Variants in DCHS2 observed in about 807,000 individuals in gnomAD.
DCHS2 encodes the protein protocadherin-23.
Under a neutral mutation model 182.4 loss-of-function variants are expected in DCHS2, and 142 were observed. The ratio of observed to expected loss-of-function variants is 0.78; its 90% CI spans 0.68 to 0.89. The LOEUF (loss-of-function observed/expected upper bound fraction) is 0.89. Among genes scored for constraint, DCHS2 ranks in the 40% least tolerant of loss-of-function variants. The pLI is 0.00. For synonymous variants in DCHS2, 1,740 were observed against 1,663.3 expected (o/e 1.05, Z -1.12); for missense variants, 4,319 against 4,198.6 (o/e 1.03, Z -0.79).
chr4:154,247,481 A>C (rs894904242), intron 16 of DCHS2, among the ~76,000 whole-genome samples: 1 of 151,832 alleles, frequency 6.6e-6, no homozygotes, highest in East Asian at 1.9e-4. Context: ...ATCTCTACTA[A>C]AAATATAAAA....
rs375665662 is a variant in DCHS2 at position 154,315,732 on chromosome 4, T to C, written c.5260+16A>G. Reference sequence around the variant, plus strand: ...TTTTAAGCATTAAATACCCAGTTTCTGTATTTCTAAATTACCTGAATCTCT... The same window carrying C: ...TTTTAAGCATTAAATACCCAGTTTCCGTATTTCTAAATTACCTGAATCTCT... On this transcript the variant is annotated intron_variant, in intron 10 of 19. Transcript: ENST00000357232. 54 of 1,609,372 alleles carry C rather than the reference T, an allele frequency of 3.4e-5. No homozygotes were observed. The Admixed American group carries it at 3.4e-4, about 10-fold the overall frequency.
At chr4:154,420,265 A>C (rs1341289250) in intron 1 of DCHS2, among the ~76,000 whole-genome samples, 1 of 151,658 alleles carries the variant, frequency 6.6e-6, no homozygotes, top group Non-Finnish European at 1.5e-5. Context: ...AGATAGATAG[A>C]TAGATAGATA....
intron 13 of DCHS2, among the ~76,000 whole-genome samples, chr4:154,274,010 TCAGAGATGAGTA>T (rs1733716619): frequency 6.6e-6 from 1 of 152,124 alleles, no homozygotes; most frequent in African/African-American, 2.4e-5. Context: ...TGACATGGTG[TCAGAGATGAGTA>T]CAGAGCAGGG....
chr4:154,344,985 G>A (rs1269378302), intron 3 of DCHS2, among the ~76,000 whole-genome samples: 1 of 152,194 alleles, frequency 6.6e-6, no homozygotes, highest in Non-Finnish European at 1.5e-5. Context: ...TGGTGCCAAA[G>A]GACTTGGGAG....
At chr4:154,488,932 G>A (rs1014680954) in intron 1 of DCHS2, among the ~76,000 whole-genome samples, 148 of 145,162 alleles carry the variant, frequency 1.0e-3, no homozygotes, top group African/African-American at 3.7e-3. Flanking sequence ...GTGTGTGTGT[G>A]TATACATGTA....
At chr4:154,383,191 A>G (rs1461660383) in intron 1 of DCHS2, among the ~76,000 whole-genome samples, 1 of 152,242 alleles carries the variant, frequency 6.6e-6, no homozygotes, top group East Asian at 1.9e-4. Context: ...TTGCAGAAAC[A>G]TGAATGCAGC....
chr4:154,430,666 C>T (rs1733523435), intron 1 of DCHS2, among the ~76,000 whole-genome samples: 1 of 152,170 alleles, frequency 6.6e-6, no homozygotes, highest in Non-Finnish European at 1.5e-5. Flanking sequence ...TGTGGTGTAG[C>T]ATCTATCAAT....
At chr4:154,472,108 G>T (rs1386133621) in intron 1 of DCHS2, among the ~76,000 whole-genome samples, 10 of 152,170 alleles carry the variant, frequency 6.6e-5, no homozygotes, top group Admixed American at 5.2e-4. Context: ...TGACAGCAAA[G>T]CTTCAGGACA....
rs1736023212 is a variant in DCHS2, at chr4:154,320,664, T to C, written c.4735A>G (p.Ser1579Gly). The change falls in exon 9 of 20, where the codon AGC becomes GGC. Residue 1579 changes from serine to glycine, a missense_variant. By Grantham distance (56) the Ser-to-Gly change is moderately conservative (BLOSUM62 0). Transcript: ENST00000357232. ...LVTVSRLDRE[S>G]IPTVILTVTA... is the part of the protein sequence containing the mutation. ...ACTGTCAGGATGACAGTTGGAATGCTTTCTCTGTCAAGACGGGACACAGTG... is the reference window on the plus strand; with the variant it reads ...ACTGTCAGGATGACAGTTGGAATGCCTTCTCTGTCAAGACGGGACACAGTG... 2.5e-6 allele frequency: 4 copies of C among 1,614,022 alleles called. No homozygotes were observed. Among genetic ancestry groups the C allele is most frequent in the East Asian group, 2.2e-5 (1 of 44,890 alleles).
intron 10 of DCHS2, 142 bp downstream of exon 10, chr4:154,315,606 T>G (rs1735822135): frequency 8.0e-7 from 1 of 1,254,856 alleles, no homozygotes. Context: ...TCTGTGTGGA[T>G]GCAAATGAAA....
At chr4:154,314,452 C>G (rs1021427679) in intron 10 of DCHS2, among the ~76,000 whole-genome samples, 2 of 152,140 alleles carry the variant, frequency 1.3e-5, no homozygotes, top group Non-Finnish European at 2.9e-5. Context: ...TAGAAAAACT[C>G]TTTGATCACA....
intron 15 of DCHS2, among the ~76,000 whole-genome samples, chr4:154,259,171 T>G (rs142002024): frequency 6.6e-6 from 1 of 152,144 alleles, no homozygotes; most frequent in Admixed American, 6.6e-5. Context: ...GTAAATATCC[T>G]TATTCTATGA....
chr4:154,405,448 T>G (rs1406827582), intron 1 of DCHS2, among the ~76,000 whole-genome samples: 1 of 149,554 alleles, frequency 6.7e-6, no homozygotes, highest in Non-Finnish European at 1.5e-5. Context: ...TGATTCATAT[T>G]TATTCATATA....
At chr4:154,431,026 A>T (rs1733536913) in intron 1 of DCHS2, among the ~76,000 whole-genome samples, 1 of 152,124 alleles carries the variant, frequency 6.6e-6, no homozygotes, top group Non-Finnish European at 1.5e-5. Flanking sequence ...TCCTTCTTTC[A>T]AACATCTCAA....
intron 1 of DCHS2, among the ~76,000 whole-genome samples, chr4:154,474,059 C>T (rs1055441100): frequency 7.2e-5 from 11 of 152,126 alleles, no homozygotes; most frequent in African/African-American, 2.2e-4. Context: ...AACAATCCTG[C>T]CTTGCCCTTT....
At chr4:154,341,285 C>T (rs904959512) in intron 3 of DCHS2, among the ~76,000 whole-genome samples, 1 of 148,654 alleles carries the variant, frequency 6.7e-6, no homozygotes, top group Non-Finnish European at 1.5e-5. Context: ...AGGAGAATGG[C>T]GTGAACCCGG....
Position 154,456,347 on chromosome 4 carries a change from A to G in DCHS2, c.2052+32957T>C, listed in dbSNP as rs145252092. On this transcript the variant is annotated intron_variant, in intron 1 of 19. Coordinates refer to ENST00000357232, the MANE Select transcript of DCHS2 (RefSeq NM_001358235.2). ...TGAGCCTCTTTTATTTATCATCAAC[A>G]GTGCAGTAGCTGCTGATGATCTGAG... Among the ~76,000 whole-genome samples, 6 of 152,348 alleles carry G rather than the reference A, an allele frequency of 3.9e-5. No individual in the cohort carries two copies. In the South Asian group the frequency reaches 1.2e-3, roughly 32 times the overall value.
chr4:154,315,396 A>G (rs66571236), intron 10 of DCHS2, among the ~76,000 whole-genome samples: 4,388 of 152,238 alleles, frequency 0.029, 289 homozygotes, highest in Admixed American at 0.16. Flanking sequence ...ATAAAGAACC[A>G]TTTATCTTCT....
intron 1 of DCHS2, among the ~76,000 whole-genome samples, chr4:154,459,278 C>T (rs993045419): frequency 1.3e-5 from 2 of 152,026 alleles, no homozygotes; most frequent in African/African-American, 2.4e-5. Flanking sequence ...CGTTTAAAAA[C>T]CCTGAGAGGG....
Sources: allele counts gnomAD v4.1 joint callset (sites outside exome capture counted in the v4.1 genomes callset), GRCh38; gene constraint gnomAD v4.1.1; transcripts MANE v1.5; gene names NCBI Gene and HGNC (gene_info 2026-07-23, HGNC 2026-07-21).